The following PTPRD variants were observed in gnomAD, a reference collection of about 807,000 sequenced individuals.
PTPRD encodes protein tyrosine phosphatase receptor type D, also known as receptor-type tyrosine-protein phosphatase delta.
PTPRD carries 34 observed loss-of-function variants against 214.5 expected under a neutral mutation model. The ratio of observed to expected loss-of-function variants is 0.16; its 90% CI spans 0.12 to 0.21. The LOEUF is 0.21. PTPRD is among the 10% of genes least tolerant of loss of function. The pLI is 1.00. For missense variants in PTPRD, 2,545 were observed against 2,398.7 expected, an observed-to-expected ratio of 1.06 and a Z score of -1.27; for synonymous variants, 1,128 against 845.7, an observed-to-expected ratio of 1.33 and a Z score of -5.79.
At chr9:9,247,272 TG>T (rs1215060551) in intron 9 of PTPRD, among the ~76,000 whole-genome samples, 1 of 152,052 alleles carries the variant, frequency 6.6e-6, no homozygotes, top group Non-Finnish European at 1.5e-5. Flanking sequence ...CAAGCCTTTC[TG>T]GGTTTCCCAA....
At position 8,376,626 on chromosome 9, in the gene PTPRD, C is replaced by T. The variant is rs772303653; in HGVS notation, c.4487G>A (p.Arg1496Gln). The change falls in exon 38 of 46, where the codon CGA becomes CAA. Residue 1496 changes from arginine to glutamine, a missense_variant. Arg to Gln is a conservative substitution (Grantham distance 43). Transcript: ENST00000381196. The stretch of plus-strand genomic sequence containing the variant: ...GCAAACCTTGTAAAGTGCAAATGTT[C>T]GAACACAATATGTGGCCAGCTCCAC... ...DTVELATYCV[R>Q]TFALYKNGSS... 5.6e-6 allele frequency: 9 copies of T among 1,612,902 alleles called. No homozygotes were observed. The highest frequency in any genetic ancestry group is 2.2e-5 in the East Asian group (1 of 44,832).
intron 5 of PTPRD, among the ~76,000 whole-genome samples, chr9:9,914,980 C>T (rs1200328298): frequency 6.6e-6 from 1 of 152,194 alleles, no homozygotes; most frequent in Non-Finnish European, 1.5e-5. Context: ...GAGCCAGACA[C>T]CAAGTTGTTG....
chr9:8,925,862 T>TTTTTC (rs1567037231), intron 11 of PTPRD, among the ~76,000 whole-genome samples: 1 of 150,546 alleles, frequency 6.6e-6, no homozygotes, highest in Non-Finnish European at 1.5e-5. Flanking sequence ...TGCAATATTT[T>TTTTTC]TTTTTTTTTT....
At chr9:9,515,274 TATA>T (rs1370099608) in intron 8 of PTPRD, among the ~76,000 whole-genome samples, 1 of 152,150 alleles carries the variant, frequency 6.6e-6, no homozygotes, top group Non-Finnish European at 1.5e-5. Context: ...TCTGTTTTTG[TATA>T]ATATCATGTT....
intron 39 of PTPRD, among the ~76,000 whole-genome samples, chr9:8,351,766 A>C (rs1242073442): frequency 6.9e-6 from 1 of 144,416 alleles, no homozygotes; most frequent in Non-Finnish European, 1.5e-5. Flanking sequence ...AAAAAAAAAA[A>C]AAAAAATCTA....
intron 10 of PTPRD, among the ~76,000 whole-genome samples, chr9:9,040,515 G>T (rs1227913221): frequency 6.6e-6 from 1 of 152,064 alleles, no homozygotes; most frequent in African/African-American, 2.4e-5. Context: ...ATATTCAACC[G>T]CACTCTTGCA....
chr9:8,496,477 T>A (rs944175815), intron 26 of PTPRD, among the ~76,000 whole-genome samples: 1 of 152,168 alleles, frequency 6.6e-6, no homozygotes, highest in Non-Finnish European at 1.5e-5. Flanking sequence ...ACATCATGTG[T>A]CCCTTGCAGT....
At chr9:9,845,064 A>AGCAG (rs1817497381) in intron 5 of PTPRD, among the ~76,000 whole-genome samples, 1 of 114,212 alleles carries the variant, frequency 8.8e-6, no homozygotes, top group South Asian at 2.5e-4. Context: ...AGAGCAATAT[A>AGCAG]TATATATATA....
intron 39 of PTPRD, 121 bp downstream of exon 39, chr9:8,375,815 G>T: frequency 3.3e-6 from 4 of 1,205,980 alleles, no homozygotes; most frequent in Non-Finnish European, 3.4e-6. Flanking sequence ...TTGACCAAAA[G>T]AGAGCTGTAT....
chr9:9,601,688 G>C (rs955865760), intron 7 of PTPRD, among the ~76,000 whole-genome samples: 1 of 151,984 alleles, frequency 6.6e-6, no homozygotes, highest in African/African-American at 2.4e-5. Context: ...TAAATAATAA[G>C]GGACTACTGT....
At chr9:8,659,693 AG>A (rs1485766902) in intron 12 of PTPRD, among the ~76,000 whole-genome samples, 12 of 152,226 alleles carry the variant, frequency 7.9e-5, no homozygotes, top group African/African-American at 2.7e-4. Flanking sequence ...AAATCCTTAA[AG>A]CAAATATGGG....
chr9:9,167,005 C>G (rs2099905682), intron 10 of PTPRD, among the ~76,000 whole-genome samples: 1 of 146,286 alleles, frequency 6.8e-6, no homozygotes, highest in East Asian at 2.0e-4. Context: ...GTGCACAGTA[C>G]TAAGTCTTAT....
intron 14 of PTPRD, among the ~76,000 whole-genome samples, chr9:8,629,384 G>A (rs1195498991): frequency 6.6e-6 from 1 of 151,778 alleles, no homozygotes; most frequent in Non-Finnish European, 1.5e-5. Flanking sequence ...AGTTATCACT[G>A]CATAAATTTG....
intron 9 of PTPRD, among the ~76,000 whole-genome samples, chr9:9,341,452 C>G (rs149489677): frequency 6.6e-6 from 1 of 152,148 alleles, no homozygotes; most frequent in South Asian, 2.1e-4. Flanking sequence ...GACTGCATTA[C>G]TATTCAGTGC....
intron 4 of PTPRD, among the ~76,000 whole-genome samples, chr9:10,020,435 G>A (rs1428505888): frequency 3.0e-5 from 4 of 133,868 alleles, no homozygotes; most frequent in African/African-American, 8.2e-5. Flanking sequence ...CCGAGTAGCT[G>A]GGACTACAGG....
intron 2 of PTPRD, among the ~76,000 whole-genome samples, chr9:10,575,251 C>T (rs893413382): frequency 6.6e-6 from 1 of 151,774 alleles, no homozygotes; most frequent in Non-Finnish European, 1.5e-5. Flanking sequence ...ATCAATTTCC[C>T]AATACTAATT....
intron 9 of PTPRD, among the ~76,000 whole-genome samples, chr9:9,348,070 C>A (rs1201917568): frequency 1.3e-5 from 2 of 152,188 alleles, no homozygotes; most frequent in Non-Finnish European, 2.9e-5. Flanking sequence ...CAAGTGTGCA[C>A]AATCAAGCTA....
At chr9:9,306,474 G>T (rs1197502638) in intron 9 of PTPRD, among the ~76,000 whole-genome samples, 2 of 142,950 alleles carry the variant, frequency 1.4e-5, no homozygotes. Context: ...TTAGGCAGGA[G>T]AATCTCTTGA....
intron 12 of PTPRD, among the ~76,000 whole-genome samples, chr9:8,691,240 C>T (rs1159253031): frequency 6.6e-6 from 1 of 151,924 alleles, no homozygotes; most frequent in Non-Finnish European, 1.5e-5. Context: ...AAAGAAATGA[C>T]ATTTTGATTA....
Sources: allele counts gnomAD v4.1 joint callset (sites outside exome capture counted in the v4.1 genomes callset), GRCh38; gene constraint gnomAD v4.1.1; transcripts MANE v1.5; gene names NCBI Gene and HGNC (gene_info 2026-07-23, HGNC 2026-07-21).